Variants in GUCY1A2 observed in about 807,000 individuals in gnomAD.
The protein encoded by GUCY1A2 is guanylate cyclase soluble subunit alpha-2.
GUCY1A2 carries 27 observed loss-of-function variants against 63.5 expected under a neutral mutation model. The observed-to-expected ratio is 0.43, with a 90% confidence interval of 0.31 to 0.59. The LOEUF is 0.59. GUCY1A2 is among the 20% of genes least tolerant of loss of function. The pLI is 0.11. For missense variants in GUCY1A2, 768 were observed against 913.3 expected (o/e 0.84, Z 2.05); for synonymous variants, 364 against 343.5 (o/e 1.06, Z -0.66).
chr11:106,871,881 T>G (rs1859683566), intron 4 of GUCY1A2, among the ~76,000 whole-genome samples: 1 of 152,210 alleles, frequency 6.6e-6, no homozygotes. Context: ...AAATATTAGC[T>G]GGTTTAGGTG....
intron 1 of GUCY1A2, among the ~76,000 whole-genome samples, chr11:106,991,774 C>T (rs949462024): frequency 3.3e-5 from 5 of 152,224 alleles, no homozygotes; most frequent in Non-Finnish European, 7.4e-5. Flanking sequence ...AGCATAAATA[C>T]GAGATTTTTT....
At chr11:106,790,947 G>T (rs1242053867) in intron 5 of GUCY1A2, among the ~76,000 whole-genome samples, 1 of 152,170 alleles carries the variant, frequency 6.6e-6, no homozygotes, top group African/African-American at 2.4e-5. Context: ...ACTGCCTGGG[G>T]TTGAGGGAGG....
In GUCY1A2 at chr11:106,729,164, C is replaced by A. The variant is rs1236645153; in HGVS notation, c.1837-20498G>T. Among the ~76,000 whole-genome samples, 5 of 152,206 alleles carry A rather than the reference C, an allele frequency of 3.3e-5. No individual in the cohort carries two copies. In the East Asian group the frequency reaches 9.7e-4, roughly 29 times the overall value. On this transcript the variant is annotated intron_variant, in intron 6 of 7. Coordinates refer to ENST00000526355, the MANE Select transcript of GUCY1A2 (RefSeq NM_000855.3). ...TAAAAATTCCATACTGCCACAAATT[C>A]ATTTTTTAAAGTCTTTTATTCTTTT... is the stretch of plus-strand genomic sequence containing the variant.
chr11:106,884,781 CA>C (rs552880750), intron 4 of GUCY1A2, among the ~76,000 whole-genome samples: 1 of 151,644 alleles, frequency 6.6e-6, no homozygotes, highest in African/African-American at 2.4e-5. Context: ...CATTTAAAAA[CA>C]AAAAAAGACA....
At chr11:106,878,486 T>G (rs1859781420) in intron 4 of GUCY1A2, among the ~76,000 whole-genome samples, 1 of 152,070 alleles carries the variant, frequency 6.6e-6, no homozygotes, top group Non-Finnish European at 1.5e-5. Flanking sequence ...GGAACACAGA[T>G]GGACCTGGAG....
chr11:106,913,333 G>A (rs1860321875), intron 4 of GUCY1A2, among the ~76,000 whole-genome samples: 1 of 152,108 alleles, frequency 6.6e-6, no homozygotes, highest in African/African-American at 2.4e-5. Context: ...TCTGGTGAGA[G>A]CCTCAGGCTA....
At chr11:106,857,100 A>G (rs527926302) in intron 4 of GUCY1A2, among the ~76,000 whole-genome samples, 1 of 152,348 alleles carries the variant, frequency 6.6e-6, no homozygotes, top group African/African-American at 2.4e-5. Flanking sequence ...AACCTTGAGA[A>G]TAAATTTAGT....
chr11:106,852,140 G>A (rs1414431048), intron 4 of GUCY1A2, among the ~76,000 whole-genome samples: 3 of 151,674 alleles, frequency 2.0e-5, no homozygotes, highest in Non-Finnish European at 4.4e-5. Flanking sequence ...TTCTTTTTCA[G>A]CTAGTTCATT....
chr11:107,012,217 G>A (rs1346490405), intron 1 of GUCY1A2, among the ~76,000 whole-genome samples: 1 of 150,426 alleles, frequency 6.6e-6, no homozygotes, highest in African/African-American at 2.4e-5. Flanking sequence ...TTTTTTTAAT[G>A]GATTGTCTGG....
chr11:106,964,128 C>T (rs1404444085), intron 3 of GUCY1A2, among the ~76,000 whole-genome samples: 1 of 151,988 alleles, frequency 6.6e-6, no homozygotes, highest in Non-Finnish European at 1.5e-5. Context: ...CTAATACTTC[C>T]TTGTATAAAA....
chr11:106,884,243 A>G (rs58628053), intron 4 of GUCY1A2, among the ~76,000 whole-genome samples: 4,852 of 152,276 alleles, frequency 0.032, 244 homozygotes, highest in African/African-American at 0.11. Flanking sequence ...GATAACATTT[A>G]CCAGGGCTCT....
At chr11:106,736,018 T>C (rs1443600043) in intron 6 of GUCY1A2, among the ~76,000 whole-genome samples, 1 of 152,146 alleles carries the variant, frequency 6.6e-6, no homozygotes, top group Admixed American at 6.6e-5. Context: ...GCTCCCTACA[T>C]ATTCTGGTTT....
At chr11:106,747,853 A>C (rs1344840809) in intron 6 of GUCY1A2, among the ~76,000 whole-genome samples, 1 of 152,138 alleles carries the variant, frequency 6.6e-6, no homozygotes, top group South Asian at 2.1e-4. Flanking sequence ...GATCTGATGG[A>C]AAGTTATGGC....
chr11:106,920,159 C>A (rs974072522), intron 4 of GUCY1A2, among the ~76,000 whole-genome samples: 10 of 149,566 alleles, frequency 6.7e-5, no homozygotes, highest in Admixed American at 2.0e-4. Context: ...TTAAAAAAAA[C>A]CACACACACA....
At chr11:106,750,984 A>G (rs997737949) in intron 6 of GUCY1A2, among the ~76,000 whole-genome samples, 5 of 152,192 alleles carry the variant, frequency 3.3e-5, no homozygotes, top group African/African-American at 1.2e-4. Context: ...ATTTAATCAT[A>G]TGAGTGCTTC....
intron 5 of GUCY1A2, among the ~76,000 whole-genome samples, chr11:106,808,596 C>T (rs186338090): frequency 3.6e-4 from 54 of 152,052 alleles, no homozygotes; most frequent in Admixed American, 1.1e-3. Context: ...TATCTATTAT[C>T]ATTCTCATTT....
intron 4 of GUCY1A2, among the ~76,000 whole-genome samples, chr11:106,847,757 T>G (rs970822329): frequency 6.6e-6 from 1 of 151,668 alleles, no homozygotes; most frequent in Non-Finnish European, 1.5e-5. Context: ...TCAACATATG[T>G]ACTTATTTAT....
chr11:107,013,619 C>T (rs1422837573), intron 1 of GUCY1A2, among the ~76,000 whole-genome samples: 25 of 152,140 alleles, frequency 1.6e-4, no homozygotes, highest in Non-Finnish European at 5.9e-5. Flanking sequence ...GTGATCTCAG[C>T]TCATCACAAC....
chr11:107,013,239 GTCT>G (rs1375962876), intron 1 of GUCY1A2, among the ~76,000 whole-genome samples: 2 of 151,926 alleles, frequency 1.3e-5, no homozygotes, highest in East Asian at 3.9e-4. Context: ...AGCTTCTGAG[GTCT>G]TCAAAGCCAC....
Sources: gnomAD v4.1 joint callset for allele counts (sites outside exome capture counted in the v4.1 genomes callset) on GRCh38, gnomAD v4.1.1 for gene constraint, MANE v1.5 for transcripts, NCBI Gene and HGNC (gene_info 2026-07-23, HGNC 2026-07-21) for gene names.